HHAT: variants seen among roughly 807,000 people sequenced by gnomAD.
HHAT encodes the protein hedgehog acyltransferase.
In HHAT, 47 loss-of-function variants were observed where a neutral mutation model predicts 70.8. The ratio of observed to expected loss-of-function variants is 0.66; its 90% confidence interval spans 0.53 to 0.85. HHAT has a LOEUF of 0.85. Among genes scored for constraint, HHAT ranks in the 40% least tolerant of loss-of-function variants. The pLI is 0.00. For missense variants in HHAT, 609 were observed against 604.8 expected (o/e 1.01, Z -0.07); for synonymous variants, 228 against 247.6 (o/e 0.92, Z 0.74).
At position 210,600,681 on chromosome 1, in the gene HHAT, C is replaced by G. The variant is rs190995697; in HGVS notation, c.1245+12582C>G. Among the ~76,000 whole-genome samples, 6 of 152,268 alleles carry G rather than the reference C, an allele frequency of 3.9e-5. No individual in the cohort carries two copies. The East Asian group carries it at 1.2e-3, about 29-fold the overall frequency. Reference sequence around the variant, plus strand: ...TTACTGCTGGAGCACTGTGCTTTTTCTCTGTACAAGTACTCTCCAGGGAGT... The same window carrying G: ...TTACTGCTGGAGCACTGTGCTTTTTGTCTGTACAAGTACTCTCCAGGGAGT... On this transcript the variant is annotated intron_variant, in intron 10 of 11. Coordinates refer to ENST00000261458, the MANE Select transcript of HHAT (RefSeq NM_018194.6).
At chr1:210,373,998 A>C (rs142040463) in intron 3 of HHAT, among the ~76,000 whole-genome samples, 1 of 152,240 alleles carries the variant, frequency 6.6e-6, no homozygotes, top group Non-Finnish European at 1.5e-5. Context: ...GACTTTTATC[A>C]TGCAAGTATT....
chr1:210,565,471 GA>G (rs1325009185), intron 9 of HHAT, among the ~76,000 whole-genome samples: 1 of 152,142 alleles, frequency 6.6e-6, no homozygotes, highest in Non-Finnish European at 1.5e-5. Flanking sequence ...ATATGGTTAG[GA>G]AAACAATGTG....
intron 11 of HHAT, among the ~76,000 whole-genome samples, chr1:210,642,423 T>C (rs1239838128): frequency 1.3e-5 from 2 of 152,244 alleles, no homozygotes; most frequent in Non-Finnish European, 2.9e-5. Context: ...TCAGCTTCAG[T>C]AGAAGTGGCC....
At chr1:210,462,858 AAGG>A in intron 7 of HHAT, 1 of 152,236 alleles carries the variant, frequency 6.6e-6, no homozygotes, top group East Asian at 1.9e-4. Flanking sequence ...GTGTAGCATC[AAGG>A]AGGTCAGACA....
chr1:210,521,918 G>C (rs568719521), intron 9 of HHAT, among the ~76,000 whole-genome samples: 10 of 152,316 alleles, frequency 6.6e-5, no homozygotes, highest in Admixed American at 5.2e-4. Context: ...ATTCAGTCTT[G>C]CAGTTTAGAA....
chr1:210,496,793 G>A (rs146980819), intron 8 of HHAT, among the ~76,000 whole-genome samples: 3 of 152,338 alleles, frequency 2.0e-5, no homozygotes, highest in African/African-American at 4.8e-5. Flanking sequence ...TTACAGTGAA[G>A]CAAGATAATG....
chr1:210,370,435 A>C (rs2089462417), intron 3 of HHAT, among the ~76,000 whole-genome samples: 1 of 151,534 alleles, frequency 6.6e-6, no homozygotes, highest in Non-Finnish European at 1.5e-5. Context: ...GGCCTCTCAA[A>C]TTGCTGGGAT....
chr1:210,613,591 C>T (rs150940735), intron 10 of HHAT, among the ~76,000 whole-genome samples: 145 of 152,176 alleles, frequency 9.5e-4, no homozygotes, highest in Middle Eastern at 3.4e-3. Context: ...GTTGTTTTGG[C>T]CAGTTGGGGC....
At chr1:210,408,955 G>A (rs899244353) in intron 6 of HHAT, among the ~76,000 whole-genome samples, 1 of 152,134 alleles carries the variant, frequency 6.6e-6, no homozygotes, top group Admixed American at 6.5e-5. Flanking sequence ...TTGGCCTCCC[G>A]AGCTCAAGTG....
intron 9 of HHAT, among the ~76,000 whole-genome samples, chr1:210,516,523 T>C (rs1050158272): frequency 1.3e-5 from 2 of 151,900 alleles, no homozygotes; most frequent in African/African-American, 4.8e-5. Flanking sequence ...CCTTAGAGGG[T>C]TGGAAGAGTG....
At chr1:210,673,773 ATTTATTTAT>A (rs879751633) in intron 11 of HHAT, among the ~76,000 whole-genome samples, 47,623 of 101,836 alleles carry the variant, frequency 0.47, 9,688 homozygotes, top group South Asian at 0.58. Flanking sequence ...TTATTTATTT[ATTTATTTAT>A]TTATTTATTT....
intron 9 of HHAT, among the ~76,000 whole-genome samples, chr1:210,587,384 A>C (rs779912668): frequency 6.6e-6 from 1 of 152,198 alleles, no homozygotes; most frequent in African/African-American, 2.4e-5. Flanking sequence ...CTTATTCGCT[A>C]TCATGAGAAC....
At chr1:210,664,049 G>A (rs772954091) in intron 11 of HHAT, among the ~76,000 whole-genome samples, 2 of 152,218 alleles carry the variant, frequency 1.3e-5, no homozygotes, top group African/African-American at 2.4e-5. Context: ...GGTAGCAAAA[G>A]CCTGTTCTTC....
chr1:210,498,225 TG>T (rs1572855039), intron 8 of HHAT, among the ~76,000 whole-genome samples: 2 of 152,342 alleles, frequency 1.3e-5, no homozygotes, highest in East Asian at 1.9e-4. Flanking sequence ...GAACAAGGTT[TG>T]GGGTACAATA....
At chr1:210,414,174 A>C (rs2092648217) in intron 6 of HHAT, among the ~76,000 whole-genome samples, 1 of 152,172 alleles carries the variant, frequency 6.6e-6, no homozygotes, top group Non-Finnish European at 1.5e-5. Context: ...GCACCTTCTC[A>C]CTGTCTTCAC....
chr1:210,528,638 T>C (rs1300550931), intron 9 of HHAT, among the ~76,000 whole-genome samples: 1 of 152,254 alleles, frequency 6.6e-6, no homozygotes, highest in East Asian at 1.9e-4. Flanking sequence ...TTAATTAATA[T>C]GCTAAAGTGG....
chr1:210,465,376 G>T (rs985937022), intron 8 of HHAT, among the ~76,000 whole-genome samples: 1 of 152,180 alleles, frequency 6.6e-6, no homozygotes, highest in Non-Finnish European at 1.5e-5. Flanking sequence ...ACTTGTTGCT[G>T]TGTTCCTCTT....
intron 11 of HHAT, among the ~76,000 whole-genome samples, chr1:210,663,977 C>T (rs1367973464): frequency 1.3e-5 from 2 of 152,086 alleles, no homozygotes; most frequent in African/African-American, 2.4e-5. Context: ...GCCTGAACAC[C>T]GGGGTTTGAG....
intron 9 of HHAT, among the ~76,000 whole-genome samples, chr1:210,570,513 G>A (rs890942589): frequency 6.6e-6 from 1 of 152,194 alleles, no homozygotes; most frequent in African/African-American, 2.4e-5. Flanking sequence ...CTCTGCAGCT[G>A]TGCCAGAGGC....
Sources: allele counts gnomAD v4.1 joint callset (sites outside exome capture counted in the v4.1 genomes callset), GRCh38; gene constraint gnomAD v4.1.1; transcripts MANE v1.5; gene names NCBI Gene and HGNC (gene_info 2026-07-23, HGNC 2026-07-21).